BRD7: variants seen among roughly 807,000 people sequenced by gnomAD.
BRD7 encodes the protein bromodomain containing 7, also known as bromodomain-containing protein 7.
A neutral mutation model predicts 82.1 loss-of-function variants in BRD7; 15 were observed. The observed-to-expected ratio is 0.18, with a 90% CI of 0.12 to 0.28. The LOEUF (loss-of-function observed/expected upper bound fraction) is 0.28, where lower values mean the gene tolerates loss of function less well. BRD7 is among the 10% of genes least tolerant of loss of function. BRD7 has a pLI of 1.00. For missense variants in BRD7, 638 were observed against 779.9 expected (o/e 0.82, Z 2.17); for synonymous variants, 232 against 266.9 (o/e 0.87, Z 1.27).
intron 6 of BRD7, among the ~76,000 whole-genome samples, chr16:50,339,554 G>C (rs1292145673): frequency 1.3e-5 from 2 of 152,218 alleles, no homozygotes; most frequent in Non-Finnish European, 2.9e-5. Flanking sequence ...TGTATATACA[G>C]TATTATGCAG....
intron 14 of BRD7, 23 bp downstream of exon 14, chr16:50,320,640 T>C (rs1172962804): frequency 6.3e-7 from 1 of 1,576,808 alleles, no homozygotes; most frequent in African/African-American, 1.3e-5. Context: ...AGTGTTTCAA[T>C]CAAACCCTCT....
chr16:50,351,451 A>G (rs1279789967), intron 4 of BRD7, among the ~76,000 whole-genome samples: 2 of 152,050 alleles, frequency 1.3e-5, no homozygotes, highest in African/African-American at 4.8e-5. Context: ...GGCAGCATTC[A>G]CCCCTGGGTG....
chr16:50,344,619 T>C (rs979787845), intron 5 of BRD7, among the ~76,000 whole-genome samples: 1 of 152,188 alleles, frequency 6.6e-6, no homozygotes, highest in Non-Finnish European at 1.5e-5. Flanking sequence ...ACGTGATGCA[T>C]GCACAAGTTT....
At chr16:50,341,963 CACACAT>C (rs1234208943) in intron 5 of BRD7, among the ~76,000 whole-genome samples, 1 of 151,048 alleles carries the variant, frequency 6.6e-6, no homozygotes, top group Non-Finnish European at 1.5e-5. Context: ...CACACACACA[CACACAT>C]TTTACTTCAA....
intron 5 of BRD7, among the ~76,000 whole-genome samples, chr16:50,346,876 T>C (rs1033798713): frequency 2.0e-5 from 3 of 152,092 alleles, no homozygotes; most frequent in Admixed American, 6.5e-5. Flanking sequence ...TTCCAATCAA[T>C]AGAAAAAGAG....
intron 5 of BRD7, among the ~76,000 whole-genome samples, chr16:50,347,420 C>T (rs551310084): frequency 2.4e-4 from 36 of 152,210 alleles, no homozygotes; most frequent in Non-Finnish European, 3.4e-4. Context: ...GGCAATCAGG[C>T]AGGAGAAAGA....
At chr16:50,329,808 A>T (rs140103224) in intron 8 of BRD7, among the ~76,000 whole-genome samples, 17 of 152,324 alleles carry the variant, frequency 1.1e-4, no homozygotes, top group African/African-American at 4.1e-4. Context: ...TAGGAAAAAT[A>T]TTTTTTAAAA....
intron 1 of BRD7, 83 bp from the exon 2 acceptor site, chr16:50,368,381 A>T: frequency 4.9e-6 from 7 of 1,414,982 alleles, no homozygotes; most frequent in Non-Finnish European, 6.7e-6. Flanking sequence ...GCAGAGCGCC[A>T]AGGCGCAGCA....
rs1330857232 is a variant in BRD7, at chr16:50,316,746, G to C, written c.*2465C>G. 2.6e-5 allele frequency: 4 copies of C among 152,344 alleles called. No homozygotes were observed. The highest frequency in any genetic ancestry group is 6.5e-5 in the Admixed American group (1 of 15,284). 9.4% of individuals were successfully genotyped at this position (152,344 alleles called of 1,614,324 possible). A position where few individuals can be genotyped will look rare whatever the true frequency, so the allele number is the denominator to read the frequency against. ...CAAGGAATTGAAAGTCAACCTAACTGTAACAACAGGGTGAGAAATGACCAA... is the reference window on the plus strand; with the variant it reads ...CAAGGAATTGAAAGTCAACCTAACTCTAACAACAGGGTGAGAAATGACCAA... On this transcript the variant is annotated 3_prime_UTR_variant, in exon 17 of 17. Coordinates refer to ENST00000394688, the MANE Select transcript of BRD7 (RefSeq NM_013263.5).
Position 50,316,286 on chromosome 16 carries a change from A to G in BRD7, c.*2925T>C, listed in dbSNP as rs1281890622. The G allele has an allele frequency of 6.6e-6, 1 of 152,402 alleles. No homozygotes were observed. Among genetic ancestry groups the G allele is most frequent in the African/African-American group, 2.4e-5 (1 of 41,458 alleles). The allele number at this position is 152,402 out of a possible 1,614,324, so 9.4% of individuals were successfully genotyped here. ...GGATAGAGTCCTGAGGAATGTGGTCACAGCAAGAAGGCGGGGAGCAGCAGA... is the reference window on the plus strand; with the variant it reads ...GGATAGAGTCCTGAGGAATGTGGTCGCAGCAAGAAGGCGGGGAGCAGCAGA... On this transcript the variant is annotated 3_prime_UTR_variant, in exon 17 of 17. Coordinates refer to ENST00000394688, the MANE Select transcript of BRD7 (RefSeq NM_013263.5).
At chr16:50,327,192 G>A (rs1212041212) in intron 9 of BRD7, among the ~76,000 whole-genome samples, 1 of 152,204 alleles carries the variant, frequency 6.6e-6, no homozygotes, top group Non-Finnish European at 1.5e-5. Flanking sequence ...GAACAGGGGT[G>A]TCTTCTACCT....
chr16:50,325,067 A>G (rs1376871654), intron 11 of BRD7, among the ~76,000 whole-genome samples: 1 of 152,212 alleles, frequency 6.6e-6, no homozygotes, highest in East Asian at 1.9e-4. Context: ...TATGTAATGA[A>G]AATTAGCAAG....
At chr16:50,363,044 G>C (rs987017460) in intron 2 of BRD7, among the ~76,000 whole-genome samples, 1 of 152,206 alleles carries the variant, frequency 6.6e-6, no homozygotes, top group African/African-American at 2.4e-5. Flanking sequence ...CTATATGCCT[G>C]ATAAGTAGCA....
At chr16:50,341,139 C>CT (rs960639659) in intron 5 of BRD7, among the ~76,000 whole-genome samples, 1 of 148,270 alleles carries the variant, frequency 6.7e-6, no homozygotes, top group African/African-American at 2.5e-5. Context: ...TCTTGGATCT[C>CT]TAAGCATCTG....
Position 50,354,501 on chromosome 16 carries a change from G to A in BRD7, c.389-19C>T, listed in dbSNP as rs1276238008. The A allele has an allele frequency of 6.2e-7, 1 of 1,600,654 alleles. No individual in the cohort carries two copies. Among genetic ancestry groups the A allele is most frequent in the Non-Finnish European group, 8.5e-7 (1 of 1,170,654 alleles). Reference sequence around the variant, plus strand: ...TCTACTTCTAAAGCAAAGAAGAAGGGAAAAGGGTATTTTAAAAAGGAGTAT... The same window carrying A: ...TCTACTTCTAAAGCAAAGAAGAAGGAAAAAGGGTATTTTAAAAAGGAGTAT... On this transcript the variant is annotated intron_variant, in intron 3 of 16. Coordinates refer to ENST00000394688, the MANE Select transcript of BRD7 (RefSeq NM_013263.5).
At chr16:50,368,674 G>A (rs1459634928) in intron 1 of BRD7, 52 bp downstream of exon 1, 3 of 1,526,396 alleles carry the variant, frequency 2.0e-6, no homozygotes, top group Admixed American at 3.9e-5. Context: ...AAGAGCGGAA[G>A]CCCGGCAGAG....
At chr16:50,368,508 G>A in intron 1 of BRD7, 2 of 744,670 alleles carry the variant, frequency 2.7e-6, no homozygotes, top group South Asian at 1.9e-5. Context: ...CCCGCCTCAC[G>A]TCTCCCCACC....
chr16:50,359,356 T>G (rs993302249), intron 2 of BRD7, among the ~76,000 whole-genome samples: 3 of 152,214 alleles, frequency 2.0e-5, no homozygotes, highest in Non-Finnish European at 4.4e-5. Context: ...ATCTTTAAAA[T>G]AGACACAAGA....
chr16:50,368,881 C>A lies in BRD7; in HGVS notation c.-107G>T, dbSNP rs2039267529. 1 of 733,008 alleles carries A rather than the reference C, an allele frequency of 1.4e-6. No individual in the cohort carries two copies. The highest frequency in any genetic ancestry group is 6.3e-5 in the Admixed American group (1 of 15,872). The allele number at this position is 733,008 out of a possible 1,614,324, so 45.4% of individuals were successfully genotyped here. A position where few individuals can be genotyped will look rare whatever the true frequency, so the allele number is the denominator to read the frequency against. ...AGGGCGGGAGCGGGGCCCGCGAGAC[C>A]CCGCGCCGCGAGGCAGGGGGGCGGC... On this transcript the variant is annotated 5_prime_UTR_variant, in exon 1 of 17. Coordinates refer to ENST00000394688, the MANE Select transcript of BRD7 (RefSeq NM_013263.5).
Sources: gnomAD v4.1 joint callset for allele counts (sites outside exome capture counted in the v4.1 genomes callset) on GRCh38, gnomAD v4.1.1 for gene constraint, MANE v1.5 for transcripts, NCBI Gene and HGNC (gene_info 2026-07-23, HGNC 2026-07-21) for gene names.